Variants in PM20D2 observed in about 807,000 individuals in gnomAD.
PM20D2 encodes xaa-Arg dipeptidase.
PM20D2 carries 33 observed loss-of-function variants against 42.9 expected under a neutral mutation model. The observed-to-expected ratio is 0.77, with a 90% CI of 0.58 to 1.03. The LOEUF (loss-of-function observed/expected upper bound fraction) is 1.03, where lower values mean the gene tolerates loss of function less well. Among genes scored for constraint, PM20D2 ranks in the 50% least tolerant of loss-of-function variants. The probability of loss-of-function intolerance (pLI) is 0.00; values close to 1 mark genes in which losing one functional copy is unlikely to be tolerated. For missense variants in PM20D2, 548 were observed against 557.0 expected (o/e 0.98, Z 0.16); for synonymous variants, 250 against 228.2 (o/e 1.10, Z -0.86).
At chr6:89,126,423 C>T in the PM20D2 span, among the ~76,000 whole-genome samples, 1 of 151,618 alleles carries the variant, frequency 6.6e-6, no homozygotes, top group East Asian at 1.9e-4. Context: ...TGGTGGCTCA[C>T]GCCTGTAATC....
Position 89,158,370 on chromosome 6 carries a change from A to G in PM20D2, c.958A>G (p.Asn320Asp). The G allele has an allele frequency of 6.2e-7, 1 of 1,611,188 alleles. No individual in the cohort carries two copies. Among genetic ancestry groups the G allele is most frequent in the South Asian group, 1.1e-5 (1 of 90,544 alleles). Residue 320 changes from asparagine (N) to aspartate (D), a missense_variant, in exon 5 of 7, where the codon AAT becomes GAT. Transcript: ENST00000275072. Reference sequence around the variant, plus strand: ...ACATGATTATTACAATGTTCTTCCCAATAAGAGCCTATGGAAAGCCTATAT... The same window carrying G: ...ACATGATTATTACAATGTTCTTCCCGATAAGAGCCTATGGAAAGCCTATAT... The part of the protein sequence containing the change: ...GAHDYYNVLP[N>D]KSLWKAYMEN...
In PM20D2 at chr6:89,162,141, A is replaced by G. The variant is rs368868585; in HGVS notation, c.1189A>G (p.Thr397Ala). The change falls in exon 7 of 7, where the codon ACG becomes GCG. Residue 397 changes from threonine (T) to alanine (A), a missense_variant. Thr to Ala is a moderately conservative substitution (Grantham distance 58). Transcript: ENST00000275072. Reference protein sequence around the residue: ...SQEAQFYTLRTAKALAMTALD... With the variant: ...SQEAQFYTLRAAKALAMTALD... ...GGAAGCTCAGTTCTACACTCTGCGGACGGCCAAAGCTCTGGCAATGACGGC... is the reference window on the plus strand; with the variant it reads ...GGAAGCTCAGTTCTACACTCTGCGGGCGGCCAAAGCTCTGGCAATGACGGC... The G allele has an allele frequency of 6.2e-7, 1 of 1,614,158 alleles. No individual in the cohort carries two copies. The highest frequency in any genetic ancestry group is 8.5e-7 in the Non-Finnish European group (1 of 1,180,006).
At chr6:89,130,819 CTTTTTTTTTTTTTTTTTTTTT>C in the PM20D2 span, among the ~76,000 whole-genome samples, 3 of 24,038 alleles carry the variant, frequency 1.2e-4, no homozygotes, top group African/African-American at 4.3e-4. Context: ...GCTTCTTCTT[CTTTTTTTTTTTTTTTTTTTTT>C]TTTTTTTTTT....
chr6:89,109,211 G>T, the PM20D2 span, among the ~76,000 whole-genome samples: 1 of 152,100 alleles, frequency 6.6e-6, no homozygotes, highest in African/African-American at 2.4e-5. Flanking sequence ...ATTAATTCTG[G>T]ACCTAATTAG....
the PM20D2 span, among the ~76,000 whole-genome samples, chr6:89,140,163 A>C: frequency 6.6e-6 from 1 of 152,072 alleles, no homozygotes; most frequent in Non-Finnish European, 1.5e-5. Context: ...GCTCAGGCTG[A>C]TCTCAAACCC....
chr6:89,125,131 AC>A, the PM20D2 span, among the ~76,000 whole-genome samples: 4 of 152,082 alleles, frequency 2.6e-5, no homozygotes, highest in Non-Finnish European at 5.9e-5. Flanking sequence ...AACAGTAGAG[AC>A]TGGTACAAGC....
chr6:89,139,393 G>A, the PM20D2 span, among the ~76,000 whole-genome samples: 9 of 152,058 alleles, frequency 5.9e-5, no homozygotes, highest in Non-Finnish European at 1.0e-4. Flanking sequence ...GTATTCTTTT[G>A]GAGAGGTAAA....
At chr6:89,148,125 G>T (rs2127774373) in intron 1 of PM20D2, among the ~76,000 whole-genome samples, 2 of 151,034 alleles carry the variant, frequency 1.3e-5, no homozygotes, top group African/African-American at 4.9e-5. Context: ...TTACAGGTGT[G>T]TGCCACCACG....
chr6:89,136,444 G>A, the PM20D2 span, among the ~76,000 whole-genome samples: 1 of 151,262 alleles, frequency 6.6e-6, no homozygotes. Flanking sequence ...TTGGGAGGCT[G>A]AGGCGGGCGG....
chr6:89,146,271 C>T lies in PM20D2; in HGVS notation c.127C>T (p.Arg43Cys), dbSNP rs1164189114. The T allele has an allele frequency of 3.2e-6, 5 of 1,581,086 alleles. No individual in the cohort carries two copies. Among genetic ancestry groups the T allele is most frequent in the Middle Eastern group, 1.7e-4 (1 of 5,866 alleles). The part of the protein sequence containing the change: ...EAAERLGALS[R>C]AIWSQPELAY... ...GGCCGAGCGGCTGGGGGCCCTGAGC[C>T]GCGCGATCTGGAGCCAGCCCGAGCT... Residue 43 changes from arginine to cysteine, a missense_variant, in exon 1 of 7, where the codon CGC (arginine) becomes TGC (cysteine). Transcript: ENST00000275072.
At chr6:89,105,112 T>C in the PM20D2 span, 111 of 1,603,152 alleles carry the variant, frequency 6.9e-5, 3 homozygotes, top group South Asian at 1.2e-3. Flanking sequence ...AGTCCTCTTA[T>C]ACTCACTCTT....
the PM20D2 span, among the ~76,000 whole-genome samples, chr6:89,101,433 G>A: frequency 1.3e-5 from 2 of 151,974 alleles, no homozygotes; most frequent in African/African-American, 4.8e-5. Flanking sequence ...GAAAAAATCT[G>A]AAAACCGGCC....
At chr6:89,108,001 G>C in the PM20D2 span, among the ~76,000 whole-genome samples, 3 of 152,120 alleles carry the variant, frequency 2.0e-5, no homozygotes, top group Non-Finnish European at 4.4e-5. Context: ...CTTGTTTTCA[G>C]ATAGCAAGAA....
chr6:89,132,494 A>G, the PM20D2 span, among the ~76,000 whole-genome samples: 1 of 151,438 alleles, frequency 6.6e-6, no homozygotes, highest in Admixed American at 6.5e-5. Context: ...AACAGAAATG[A>G]ATTCTTTTGA....
intron 2 of PM20D2, 125 bp from the exon 3 acceptor site, chr6:89,152,918 T>C (rs1351559910): frequency 1.5e-6 from 1 of 678,212 alleles, no homozygotes; most frequent in Non-Finnish European, 2.3e-6. Context: ...TACAAATAAT[T>C]TGCAAATCAA....
At chr6:89,157,686 C>T (rs1771097525) in intron 4 of PM20D2, among the ~76,000 whole-genome samples, 1 of 152,056 alleles carries the variant, frequency 6.6e-6, no homozygotes, top group South Asian at 2.1e-4. Context: ...TCACCTATGT[C>T]AGAATTACTT....
At chr6:89,128,736 G>A in the PM20D2 span, among the ~76,000 whole-genome samples, 4 of 152,126 alleles carry the variant, frequency 2.6e-5, no homozygotes, top group African/African-American at 4.8e-5. Context: ...TGCCACCCCC[G>A]GTGGCCCAGC....
the PM20D2 span, among the ~76,000 whole-genome samples, chr6:89,125,048 T>C: frequency 6.6e-6 from 1 of 152,112 alleles, no homozygotes; most frequent in African/African-American, 2.4e-5. Context: ...CATCAAGATT[T>C]TTTAAGCAGG....
the PM20D2 span, among the ~76,000 whole-genome samples, chr6:89,100,151 C>A: frequency 6.6e-6 from 1 of 152,158 alleles, no homozygotes; most frequent in East Asian, 1.9e-4. Context: ...AAATCACTGG[C>A]CATCTTCTAA....
Sources: gnomAD v4.1 joint callset for allele counts (sites outside exome capture counted in the v4.1 genomes callset) on GRCh38, gnomAD v4.1.1 for gene constraint, MANE v1.5 for transcripts, NCBI Gene and HGNC (gene_info 2026-07-23, HGNC 2026-07-21) for gene names.